The following EEFSEC variants were observed in gnomAD, a reference collection of about 807,000 sequenced individuals.
The protein encoded by EEFSEC is eukaryotic elongation factor, selenocysteine-tRNA specific, also known as selenocysteine-specific elongation factor.
Under a neutral mutation model 42.1 loss-of-function variants are expected in EEFSEC, and 43 were observed. The ratio of observed to expected loss-of-function variants is 1.02; its 90% CI spans 0.80 to 1.32. The LOEUF is 1.32. Ranked by LOEUF, EEFSEC falls within the 40% of genes most tolerant of loss-of-function variation. EEFSEC has a pLI of 0.00. For synonymous variants in EEFSEC, 354 were observed against 339.1 expected (o/e 1.04, Z -0.48); for missense variants, 745 against 803.6 (o/e 0.93, Z 0.88).
intron 6 of EEFSEC, among the ~76,000 whole-genome samples, chr3:128,395,200 C>T (rs1197852765): frequency 6.6e-6 from 1 of 152,198 alleles, no homozygotes; most frequent in Non-Finnish European, 1.5e-5. Context: ...CACAAGCAGA[C>T]AGGAGGTTTC....
At chr3:128,402,860 A>G (rs781295832) in intron 6 of EEFSEC, among the ~76,000 whole-genome samples, 4 of 152,178 alleles carry the variant, frequency 2.6e-5, no homozygotes, top group Non-Finnish European at 5.9e-5. Flanking sequence ...GTGTTCTCTG[A>G]GTATCCGCCA....
At chr3:128,312,303 G>T (rs1243022838) in intron 4 of EEFSEC, among the ~76,000 whole-genome samples, 1 of 152,202 alleles carries the variant, frequency 6.6e-6, no homozygotes, top group Non-Finnish European at 1.5e-5. Context: ...CACAGAAGTG[G>T]GCAGTGCTGG....
In EEFSEC at chr3:128,209,778, C is replaced by T. The variant is rs1414810789; in HGVS notation, c.317-37058C>T. On this transcript the variant is annotated intron_variant, in intron 1 of 6. Coordinates refer to ENST00000254730, the MANE Select transcript of EEFSEC (RefSeq NM_021937.5). The stretch of plus-strand genomic sequence containing the variant: ...CAAACTATGAACTTGAGCTATGATT[C>T]GCTTTTGTTATAAAGGGAGATTTGG... Among the ~76,000 whole-genome samples the T allele has an allele frequency of 2.6e-5, 4 of 152,274 alleles. No individual in the cohort carries two copies. The East Asian group carries it at 5.8e-4, about 22-fold the overall frequency.
chr3:128,395,844 A>C (rs1193684779), intron 6 of EEFSEC, among the ~76,000 whole-genome samples: 1 of 152,082 alleles, frequency 6.6e-6, no homozygotes, highest in East Asian at 1.9e-4. Flanking sequence ...GCCTCTCTTT[A>C]CCAAGCGCTT....
At chr3:128,412,634 T>C (rs1342282050), downstream of EEFSEC, among the ~76,000 whole-genome samples, 2 of 152,192 alleles carry the variant, frequency 1.3e-5, no homozygotes, top group Admixed American at 1.3e-4. Flanking sequence ...GATGAGGTCA[T>C]AGCTCCAGAC....
chr3:128,345,312 G>A (rs2107570717), intron 5 of EEFSEC, among the ~76,000 whole-genome samples: 1 of 152,238 alleles, frequency 6.6e-6, no homozygotes, highest in South Asian at 2.1e-4. Context: ...TTTTCCCTGG[G>A]ACTCCATTAT....
the EEFSEC span, among the ~76,000 whole-genome samples, chr3:128,422,498 G>A: frequency 3.9e-5 from 6 of 152,184 alleles, no homozygotes; most frequent in Non-Finnish European, 8.8e-5. Flanking sequence ...TTGAGGTCCC[G>A]AGAGGAAGGC....
chr3:128,222,852 C>T (rs1249468928), intron 1 of EEFSEC, among the ~76,000 whole-genome samples: 1 of 152,188 alleles, frequency 6.6e-6, no homozygotes, highest in Non-Finnish European at 1.5e-5. Flanking sequence ...TCCCAGGTTC[C>T]TGGAGCTTCT....
chr3:128,395,730 G>A (rs2067973355), intron 6 of EEFSEC, among the ~76,000 whole-genome samples: 1 of 152,184 alleles, frequency 6.6e-6, no homozygotes, highest in Non-Finnish European at 1.5e-5. Flanking sequence ...CAGGAACGGG[G>A]CCCAGCAGAG....
chr3:128,418,234 C>A, the EEFSEC span, among the ~76,000 whole-genome samples: 1 of 152,116 alleles, frequency 6.6e-6, no homozygotes, highest in South Asian at 2.1e-4. Flanking sequence ...ACCCAGCTCA[C>A]GGCCCCTCGG....
At chr3:128,399,434 T>C (rs1470135803) in intron 6 of EEFSEC, among the ~76,000 whole-genome samples, 1 of 152,246 alleles carries the variant, frequency 6.6e-6, no homozygotes, top group African/African-American at 2.4e-5. Context: ...AAGGGCCCGC[T>C]CCGCCGCCTG....
At chr3:128,250,006 A>G (rs2066167680) in intron 2 of EEFSEC, among the ~76,000 whole-genome samples, 3 of 152,158 alleles carry the variant, frequency 2.0e-5, no homozygotes, top group Admixed American at 2.0e-4. Context: ...TACTAATGAT[A>G]TTGAGCATCT....
chr3:128,406,077 C>T (rs1262580398), intron 6 of EEFSEC, among the ~76,000 whole-genome samples: 1 of 152,210 alleles, frequency 6.6e-6, no homozygotes, highest in East Asian at 1.9e-4. Flanking sequence ...GGCTGTGAGG[C>T]TCACAGAGTG....
chr3:128,270,344 C>G (rs913006892), intron 4 of EEFSEC, among the ~76,000 whole-genome samples: 1 of 152,090 alleles, frequency 6.6e-6, no homozygotes, highest in South Asian at 2.1e-4. Context: ...ATATGCTTTG[C>G]GGACCCCACT....
chr3:128,189,289 A>G (rs1235963733), intron 1 of EEFSEC, among the ~76,000 whole-genome samples: 1 of 152,216 alleles, frequency 6.6e-6, no homozygotes, highest in Non-Finnish European at 1.5e-5. Context: ...AGCTTAGGTC[A>G]ATGATGGAAG....
chr3:128,242,380 C>G (rs2066081290), intron 1 of EEFSEC, among the ~76,000 whole-genome samples: 1 of 152,112 alleles, frequency 6.6e-6, no homozygotes, highest in African/African-American at 2.4e-5. Context: ...CATAACAAAC[C>G]TGGTCATCCT....
At chr3:128,181,341 GTCC>G (rs1301641263) in intron 1 of EEFSEC, among the ~76,000 whole-genome samples, 1 of 152,136 alleles carries the variant, frequency 6.6e-6, no homozygotes, top group African/African-American at 2.4e-5. Context: ...TTTGTTTACT[GTCC>G]TCCCATCAAG....
At chr3:128,222,108 A>C (rs542448931) in intron 1 of EEFSEC, among the ~76,000 whole-genome samples, 1 of 138,090 alleles carries the variant, frequency 7.2e-6, no homozygotes. Context: ...ATCTCAGCTC[A>C]CTGCAACCTC....
intron 1 of EEFSEC, 49 bp from the exon 2 acceptor site, chr3:128,246,787 G>A (rs781755214): frequency 3.7e-6 from 6 of 1,602,096 alleles, no homozygotes; most frequent in Non-Finnish European, 5.1e-6. Flanking sequence ...ACTTTCTGTG[G>A]GGCTCACCAC....
Sources: allele counts gnomAD v4.1 joint callset (sites outside exome capture counted in the v4.1 genomes callset), GRCh38; gene constraint gnomAD v4.1.1; transcripts MANE v1.5; gene names NCBI Gene and HGNC (gene_info 2026-07-23, HGNC 2026-07-21).